CWC27: variants seen among roughly 807,000 people sequenced by gnomAD.
CWC27 encodes the protein spliceosome-associated protein CWC27 homolog.
In CWC27, 47 loss-of-function variants were observed where a neutral mutation model predicts 63.6. The observed-to-expected ratio is 0.74, with a 90% CI of 0.58 to 0.94. The LOEUF is 0.94. Among genes scored for constraint, CWC27 ranks in the 40% least tolerant of loss-of-function variants. The pLI is 0.00. For synonymous variants in CWC27, 175 were observed against 179.8 expected (o/e 0.97, Z 0.22); for missense variants, 495 against 554.3 (o/e 0.89, Z 1.07).
chr5:64,793,463 C>T (rs1309342204), intron 7 of CWC27, among the ~76,000 whole-genome samples: 1 of 151,976 alleles, frequency 6.6e-6, no homozygotes, highest in Non-Finnish European at 1.5e-5. Context: ...GGAGAGAATC[C>T]AAGTAGAAGT....
intron 2 of CWC27, among the ~76,000 whole-genome samples, chr5:64,776,915 A>C (rs980403684): frequency 6.6e-6 from 1 of 152,146 alleles, no homozygotes; most frequent in Non-Finnish European, 1.5e-5. Context: ...CAAAGGATCT[A>C]CATTATACAG....
At chr5:64,807,188 C>A (rs1744709287) in intron 10 of CWC27, among the ~76,000 whole-genome samples, 3 of 152,134 alleles carry the variant, frequency 2.0e-5, no homozygotes, top group African/African-American at 7.2e-5. Flanking sequence ...TAGACTAGCC[C>A]ACCAGCCCTT....
intron 10 of CWC27, among the ~76,000 whole-genome samples, chr5:64,826,615 A>G (rs1335709616): frequency 6.6e-6 from 1 of 152,138 alleles, no homozygotes; most frequent in Non-Finnish European, 1.5e-5. Flanking sequence ...TTGAGAAACT[A>G]AATGACAAGT....
At chr5:65,010,104 T>C (rs930644647) in intron 13 of CWC27, among the ~76,000 whole-genome samples, 4 of 152,038 alleles carry the variant, frequency 2.6e-5, no homozygotes, top group Admixed American at 1.3e-4. Flanking sequence ...AGAGGTTTCA[T>C]AGAAGGTGTT....
At chr5:64,884,222 G>C (rs1158340270) in intron 10 of CWC27, 1 of 152,076 alleles carries the variant, frequency 6.6e-6, no homozygotes, top group Admixed American at 6.6e-5. Context: ...TAAGGAATTG[G>C]CTTTCATTAT....
intron 10 of CWC27, among the ~76,000 whole-genome samples, chr5:64,851,715 T>A (rs1465997900): frequency 6.6e-6 from 1 of 152,164 alleles, no homozygotes; most frequent in Non-Finnish European, 1.5e-5. Flanking sequence ...TAGAAAATGT[T>A]TGAAAGGCAT....
rs200360745 is a variant in CWC27 at position 64,995,568 on chromosome 5, TG to T, written c.1256+18331del. Among the ~76,000 whole-genome samples, 677 of 152,286 alleles carry T rather than the reference TG, an allele frequency of 4.4e-3. 6 individuals carry two copies. The highest frequency in any genetic ancestry group is 0.016 in the African/African-American group (646 of 41,560). ...TTATTATATTAGGTCATTGTTATCA[TG>T]TTTTTTTTTCTAAATTGTTAGCCAC... is the stretch of plus-strand genomic sequence containing the variant. On this transcript the variant is annotated intron_variant, in intron 13 of 13. Coordinates refer to ENST00000381070, the MANE Select transcript of CWC27 (RefSeq NM_005869.4).
At chr5:64,930,366 A>G (rs1465892613) in intron 11 of CWC27, among the ~76,000 whole-genome samples, 2 of 152,130 alleles carry the variant, frequency 1.3e-5, no homozygotes, top group African/African-American at 2.4e-5. Flanking sequence ...ACCCTTTAAA[A>G]TGGTGAGTTT....
intron 12 of CWC27, among the ~76,000 whole-genome samples, chr5:64,976,084 A>T (rs1440581101): frequency 6.6e-6 from 1 of 152,174 alleles, no homozygotes; most frequent in Non-Finnish European, 1.5e-5. Flanking sequence ...ATAAAAATAA[A>T]AAATAAAAAT....
intron 10 of CWC27, chr5:64,808,014 T>A: frequency 1.5e-6 from 2 of 1,378,524 alleles, no homozygotes; most frequent in Non-Finnish European, 1.9e-6. Context: ...CATTTTTTTT[T>A]CTTGGTCTTC....
At chr5:64,811,293 G>A (rs899425009) in intron 10 of CWC27, among the ~76,000 whole-genome samples, 1 of 151,980 alleles carries the variant, frequency 6.6e-6, no homozygotes, top group African/African-American at 2.4e-5. Context: ...CTTGTTTTTA[G>A]CATCTGTATA....
chr5:64,930,838 C>G (rs747734951), intron 11 of CWC27, among the ~76,000 whole-genome samples: 1 of 152,142 alleles, frequency 6.6e-6, no homozygotes, highest in Non-Finnish European at 1.5e-5. Flanking sequence ...AACATACAAT[C>G]ACTTGTGTGT....
In CWC27 at chr5:64,966,729, G is replaced by A. The variant is rs191824892; in HGVS notation, c.1043-4974G>A. On this transcript the variant is annotated intron_variant, in intron 11 of 13. Transcript: ENST00000381070. ...ACTAGAGGAAATGCATGTGCTTTAG[G>A]TTACTGTCTGAGTGCTAGTTTTAAT... Among the ~76,000 whole-genome samples the A allele has an allele frequency of 7.5e-3, 1,135 of 152,160 alleles. 12 individuals are homozygous for A. The highest frequency in any genetic ancestry group is 0.024 in the Middle Eastern group (7 of 294).
At chr5:64,778,693 C>G (rs1307815531) in intron 2 of CWC27, among the ~76,000 whole-genome samples, 1 of 152,152 alleles carries the variant, frequency 6.6e-6, no homozygotes, top group Non-Finnish European at 1.5e-5. Flanking sequence ...AGGCAAGACT[C>G]AAACTCCTGA....
At chr5:64,840,697 T>C (rs954296703) in intron 10 of CWC27, among the ~76,000 whole-genome samples, 1 of 152,002 alleles carries the variant, frequency 6.6e-6, no homozygotes, top group African/African-American at 2.4e-5. Flanking sequence ...ACTGAAGAAT[T>C]TTCAGCATGG....
chr5:64,900,844 T>C (rs1747486197), intron 11 of CWC27, among the ~76,000 whole-genome samples: 1 of 152,212 alleles, frequency 6.6e-6, no homozygotes, highest in Non-Finnish European at 1.5e-5. Flanking sequence ...TACTCAAAAC[T>C]AGATAGTATA....
intron 11 of CWC27, among the ~76,000 whole-genome samples, chr5:64,957,879 C>T (rs1438789852): frequency 6.6e-6 from 1 of 152,094 alleles, no homozygotes; most frequent in African/African-American, 2.4e-5. Context: ...GATCTAAGTT[C>T]TCTCTATCCC....
intron 7 of CWC27, among the ~76,000 whole-genome samples, chr5:64,792,627 A>G (rs943807116): frequency 5.3e-5 from 8 of 152,156 alleles, no homozygotes; most frequent in Non-Finnish European, 1.5e-5. Context: ...GAAGAAGCAT[A>G]TGACTGTGTT....
intron 13 of CWC27, among the ~76,000 whole-genome samples, chr5:64,980,946 G>C (rs1580762518): frequency 6.6e-6 from 1 of 152,074 alleles, no homozygotes; most frequent in East Asian, 1.9e-4. Context: ...ACAAAAATTT[G>C]CCGAGCATGG....
Sources: gnomAD v4.1 joint callset for allele counts (sites outside exome capture counted in the v4.1 genomes callset) on GRCh38, gnomAD v4.1.1 for gene constraint, MANE v1.5 for transcripts, NCBI Gene and HGNC (gene_info 2026-07-23, HGNC 2026-07-21) for gene names.